ASF1B: variants seen among roughly 807,000 people sequenced by gnomAD.
ASF1B encodes histone chaperone ASF1B.
ASF1B carries 10 observed loss-of-function variants against 16.6 expected under a neutral mutation model. The observed-to-expected ratio is 0.60, with a 90% confidence interval of 0.37 to 1.02. The LOEUF is 1.02. Among genes scored for constraint, ASF1B ranks in the 50% least tolerant of loss-of-function variants. The probability of loss-of-function intolerance (pLI) is 0.01; values close to 1 mark genes in which losing one functional copy is unlikely to be tolerated. For synonymous variants in ASF1B, 101 were observed against 106.2 expected (o/e 0.95, Z 0.30); for missense variants, 240 against 266.0 (o/e 0.90, Z 0.68).
chr19:14,134,271 C>A (rs1967452166), intron 1 of ASF1B, among the ~76,000 whole-genome samples: 1 of 151,996 alleles, frequency 6.6e-6, no homozygotes. Flanking sequence ...TTTATTTACC[C>A]GCTGCCTTGT....
rs755558637 is a variant in ASF1B at position 14,120,659 on chromosome 19, G to A, written c.409C>T (p.Arg137Trp). The change falls in exon 4 of 4, where the codon CGG becomes TGG. Residue 137 changes from arginine (R) to tryptophan (W), a missense_variant. By Grantham distance (101) the Arg-to-Trp change is moderately radical. Transcript: ENST00000263382. Reference protein sequence around the residue: ...PMKPDFSQLQRNILASNPRVT... With the variant: ...PMKPDFSQLQWNILASNPRVT... ...CGGGGGTTCGAGGCCAAGATGTTCC[G>A]CTGGAGCTGGGGCAGGAAGAGGAAC... The A allele has an allele frequency of 1.3e-5, 21 of 1,614,002 alleles. No homozygotes were observed. Among genetic ancestry groups the A allele is most frequent in the Non-Finnish European group, 1.8e-5 (21 of 1,179,976 alleles).
At chr19:14,134,098 T>C (rs1022598824) in intron 1 of ASF1B, among the ~76,000 whole-genome samples, 1 of 151,780 alleles carries the variant, frequency 6.6e-6, no homozygotes, top group African/African-American at 2.4e-5. Context: ...GCCACCGCGC[T>C]CGGCCACAAC....
intron 1 of ASF1B, among the ~76,000 whole-genome samples, chr19:14,126,609 T>G (rs1441790465): frequency 6.6e-6 from 1 of 152,188 alleles, no homozygotes; most frequent in Non-Finnish European, 1.5e-5. Context: ...GTAGCTGGAA[T>G]TACAGGCACC....
intron 1 of ASF1B, among the ~76,000 whole-genome samples, chr19:14,127,269 C>G (rs1411554700): frequency 6.6e-6 from 1 of 152,216 alleles, no homozygotes; most frequent in Non-Finnish European, 1.5e-5. Context: ...CTGGGGAAAC[C>G]TGGGCCTCTC....
At chr19:14,133,965 G>A (rs938043107) in intron 1 of ASF1B, among the ~76,000 whole-genome samples, 1 of 151,728 alleles carries the variant, frequency 6.6e-6, no homozygotes, top group Admixed American at 6.6e-5. Flanking sequence ...CACCACGCCC[G>A]GCTAATTTTT....
chr19:14,131,482 TTTC>T (rs1337503910), intron 1 of ASF1B, among the ~76,000 whole-genome samples: 1 of 142,184 alleles, frequency 7.0e-6, no homozygotes. Context: ...CACCTGGCTT[TTTC>T]TTTTTTTTTT....
chr19:14,121,067 A>G (rs1967228197), intron 3 of ASF1B, among the ~76,000 whole-genome samples: 1 of 151,034 alleles, frequency 6.6e-6, no homozygotes, highest in Non-Finnish European at 1.5e-5. Flanking sequence ...GTGATCCTAC[A>G]GCCTCGGCCT....
At chr19:14,132,993 G>A (rs539030407) in intron 1 of ASF1B, among the ~76,000 whole-genome samples, 7 of 151,930 alleles carry the variant, frequency 4.6e-5, no homozygotes, top group Admixed American at 3.3e-4. Flanking sequence ...GGTTTCGGGC[G>A]CCTGTAGTCC....
intron 3 of ASF1B, chr19:14,121,198 G>T (rs1967230743): frequency 7.2e-6 from 3 of 415,778 alleles, no homozygotes; most frequent in African/African-American, 2.1e-5. Flanking sequence ...TGAGCTCACT[G>T]CAGCCTCAAA....
rs1967203457 is a variant in ASF1B, at chr19:14,119,635, G to C, written c.*824C>G. 1 of 152,732 alleles carries C rather than the reference G, an allele frequency of 6.5e-6. No individual in the cohort carries two copies. Among genetic ancestry groups the C allele is most frequent in the Admixed American group, 6.5e-5 (1 of 15,288 alleles). 9.5% of individuals were successfully genotyped at this position (152,732 alleles called of 1,614,324 possible). A position where few individuals can be genotyped will look rare whatever the true frequency, so the allele number is the denominator to read the frequency against. Reference sequence around the variant, plus strand: ...GCAAGGGGACCAGGGCACAGAGAGGGGGAGCGGGCTGGGGAGGGACAGTTT... The same window carrying C: ...GCAAGGGGACCAGGGCACAGAGAGGCGGAGCGGGCTGGGGAGGGACAGTTT... On this transcript the variant is annotated 3_prime_UTR_variant, in exon 4 of 4. Transcript: ENST00000263382.
At chr19:14,132,365 TGA>T (rs546509194) in intron 1 of ASF1B, among the ~76,000 whole-genome samples, 82 of 152,224 alleles carry the variant, frequency 5.4e-4, no homozygotes, top group Non-Finnish European at 1.2e-4. Flanking sequence ...TTGACGCTGC[TGA>T]GAGTGAGGCA....
chr19:14,122,719 C>T (rs1188170832), intron 2 of ASF1B, among the ~76,000 whole-genome samples: 1 of 152,150 alleles, frequency 6.6e-6, no homozygotes, highest in East Asian at 1.9e-4. Context: ...AAAACGTTGA[C>T]TGTGGCAGGG....
At chr19:14,126,046 C>G in intron 2 of ASF1B, 76 bp downstream of exon 2, 1 of 1,193,418 alleles carries the variant, frequency 8.4e-7, no homozygotes, top group Non-Finnish European at 1.2e-6. Flanking sequence ...ATTCCTGAAG[C>G]ACTCTGTGGG....
intron 2 of ASF1B, among the ~76,000 whole-genome samples, chr19:14,124,566 C>T (rs1466065858): frequency 1.3e-5 from 2 of 152,204 alleles, no homozygotes; most frequent in Non-Finnish European, 2.9e-5. Context: ...TTATTTGTAA[C>T]CCCAAGATGA....
rs1343413187 is a variant in ASF1B, at chr19:14,126,160, CCA to C, written c.185_186del (p.Val62GlyfsTer26). 2 of 1,610,450 alleles carry C rather than the reference CCA, an allele frequency of 1.2e-6. No homozygotes were observed. The highest frequency in any genetic ancestry group is 2.2e-5 in the South Asian group (2 of 90,094). ...ATGTGTCTCCCTGCTGGCACAGGGC[CCA>C]CCAGCACCGAGTCTAGGATCTGATC... is the stretch of plus-strand genomic sequence containing the variant. ...EFDQILDSVL[V>X]GPVPAGRHMF... On this transcript the variant is annotated frameshift_variant, in exon 2 of 4. Coordinates refer to ENST00000263382, the MANE Select transcript of ASF1B (RefSeq NM_018154.3). LOFTEE classifies it high-confidence loss of function.
chr19:14,120,639 G>A lies in ASF1B; in HGVS notation c.429C>T (p.Asn143=), dbSNP rs2144507162. The A allele has an allele frequency of 1.2e-6, 2 of 1,614,078 alleles. No individual in the cohort carries two copies. Among genetic ancestry groups the A allele is most frequent in the Non-Finnish European group, 1.7e-6 (2 of 1,180,028 alleles). The change falls in exon 4 of 4, where the codon AAC becomes AAT. Residue 143 remains asparagine, a synonymous_variant. Coordinates refer to ENST00000263382, the MANE Select transcript of ASF1B (RefSeq NM_018154.3). ...SQLQRNILAS[N]PRVTRFHINW... ...TGATATGGAAGCGGGTCACCCGGGG[G>A]TTCGAGGCCAAGATGTTCCGCTGGA... is the stretch of plus-strand genomic sequence containing the variant.
intron 2 of ASF1B, among the ~76,000 whole-genome samples, chr19:14,124,848 T>C (rs934554516): frequency 1.3e-5 from 2 of 152,236 alleles, no homozygotes; most frequent in African/African-American, 4.8e-5. Context: ...AAGTGCAGTG[T>C]AGGATACAAG....
chr19:14,134,090 C>T (rs1178959820), intron 1 of ASF1B, among the ~76,000 whole-genome samples: 2 of 152,062 alleles, frequency 1.3e-5, no homozygotes, highest in Non-Finnish European at 2.9e-5. Flanking sequence ...AGGCGTGAGC[C>T]ACCGCGCTCG....
chr19:14,135,380 C>T (rs1242849008), intron 1 of ASF1B, among the ~76,000 whole-genome samples: 2 of 152,116 alleles, frequency 1.3e-5, no homozygotes, highest in Non-Finnish European at 2.9e-5. Flanking sequence ...TTTATCCAAG[C>T]CCACAGAGAA....
Sources: gnomAD v4.1 joint callset for allele counts (sites outside exome capture counted in the v4.1 genomes callset) on GRCh38, gnomAD v4.1.1 for gene constraint, MANE v1.5 for transcripts, NCBI Gene and HGNC (gene_info 2026-07-23, HGNC 2026-07-21) for gene names.